The following GRB10 variants were observed in gnomAD, a reference collection of about 807,000 sequenced individuals.
GRB10 encodes growth factor receptor bound protein 10, also known as growth factor receptor-bound protein 10.
A neutral mutation model predicts 80.9 loss-of-function variants in GRB10; 20 were observed. That is an observed-to-expected ratio of 0.25 (90% confidence interval 0.17 to 0.36). The LOEUF (loss-of-function observed/expected upper bound fraction) is 0.36. Ranked by LOEUF, GRB10 falls within the 10% of genes least tolerant of loss-of-function variation. The pLI, the probability that GRB10 is intolerant of heterozygous loss-of-function variation, is 1.00. For synonymous variants in GRB10, 291 were observed against 291.5 expected (o/e 1.00, Z 0.02); for missense variants, 548 against 747.7 (o/e 0.73, Z 3.12).
intron 7 of GRB10, among the ~76,000 whole-genome samples, chr7:50,648,265 G>A (rs566018907): frequency 6.6e-6 from 1 of 152,052 alleles, no homozygotes; most frequent in Non-Finnish European, 1.5e-5. Flanking sequence ...AGCAGCGAGC[G>A]ACAGGAGCCC....
chr7:50,624,336 C>A (rs2052472370), intron 8 of GRB10, among the ~76,000 whole-genome samples: 1 of 152,222 alleles, frequency 6.6e-6, no homozygotes, highest in Non-Finnish European at 1.5e-5. Flanking sequence ...CCCCTGTTGG[C>A]CTTGCGGCCC....
At chr7:50,720,039 C>T (rs184241773) in intron 4 of GRB10, among the ~76,000 whole-genome samples, 54 of 152,212 alleles carry the variant, frequency 3.5e-4, no homozygotes, top group African/African-American at 1.2e-3. Context: ...CACCAGAGAA[C>T]CCCTAGCAGA....
chr7:50,654,298 G>A (rs546212417), intron 7 of GRB10, among the ~76,000 whole-genome samples: 3 of 152,324 alleles, frequency 2.0e-5, no homozygotes, highest in Non-Finnish European at 2.9e-5. Flanking sequence ...AGCTCAGAGC[G>A]TGCCTTGATC....
chr7:50,604,281 CA>C, intron 16 of GRB10, 29 bp downstream of exon 16: 1 of 1,586,984 alleles, frequency 6.3e-7, no homozygotes, highest in Non-Finnish European at 8.7e-7. Context: ...TCTTTATGTA[CA>C]AAAACATCAG....
chr7:50,735,118 A>G (rs1402473169), intron 3 of GRB10, among the ~76,000 whole-genome samples: 4 of 152,266 alleles, frequency 2.6e-5, no homozygotes, highest in Admixed American at 2.6e-4. Flanking sequence ...CAGCAAAGGT[A>G]CAGGATACAA....
At chr7:50,727,124 G>C (rs1366055994) in intron 4 of GRB10, 3 of 152,190 alleles carry the variant, frequency 2.0e-5, no homozygotes, top group Non-Finnish European at 4.4e-5. Flanking sequence ...TCGGTGGAAG[G>C]CTGAAGACAA....
At chr7:50,698,576 C>T (rs1435421709) in intron 5 of GRB10, among the ~76,000 whole-genome samples, 2 of 152,180 alleles carry the variant, frequency 1.3e-5, no homozygotes, top group Non-Finnish European at 2.9e-5. Context: ...TCTGTTCTGC[C>T]GTGATTTCAC....
intron 7 of GRB10, among the ~76,000 whole-genome samples, chr7:50,648,093 G>C (rs546251750): frequency 1.3e-5 from 2 of 152,112 alleles, no homozygotes; most frequent in African/African-American, 2.4e-5. Flanking sequence ...TCAACATAGG[G>C]ACAAGATGGA....
intron 3 of GRB10, among the ~76,000 whole-genome samples, chr7:50,752,219 G>A (rs2074231979): frequency 6.6e-6 from 1 of 152,040 alleles, no homozygotes; most frequent in South Asian, 2.1e-4. Context: ...AGTTATTAGG[G>A]GGGAAAAAAT....
At chr7:50,684,267 CAAAAAAAAAAA>C (rs386410128) in intron 5 of GRB10, among the ~76,000 whole-genome samples, 1 of 62,278 alleles carries the variant, frequency 1.6e-5, no homozygotes, top group Non-Finnish European at 2.7e-5. Flanking sequence ...CAATCATCAC[CAAAAAAAAAAA>C]AAAAAAAAAA....
chr7:50,747,855 G>A (rs373215418), intron 3 of GRB10, among the ~76,000 whole-genome samples: 4 of 152,028 alleles, frequency 2.6e-5, no homozygotes, highest in Admixed American at 6.5e-5. Context: ...TCCAGACATC[G>A]AGATAGGAAA....
At chr7:50,772,896 C>T (rs1302843454) in intron 2 of GRB10, among the ~76,000 whole-genome samples, 2 of 152,170 alleles carry the variant, frequency 1.3e-5, no homozygotes, top group Admixed American at 1.3e-4. Flanking sequence ...TAAATTCCTA[C>T]AACTGAGTAA....
In GRB10 at chr7:50,592,201, C is replaced by A. The variant is rs1033684682; in HGVS notation, c.*751G>T. On this transcript the variant is annotated 3_prime_UTR_variant, in exon 19 of 19. Coordinates refer to ENST00000401949, the MANE Select transcript of GRB10 (RefSeq NM_001350814.2). ...ATAAAGTCTCCTGCACTGTGCAGAA[C>A]AAGACACACTAATAACAAGAGGATC... The A allele has an allele frequency of 6.5e-6, 1 of 153,766 alleles. No homozygotes were observed. The highest frequency in any genetic ancestry group is 1.4e-5 in the Non-Finnish European group (1 of 69,220). The allele number at this position is 153,766 out of a possible 1,614,324, so 9.5% of individuals were successfully genotyped here. A position where few individuals can be genotyped will look rare whatever the true frequency, so the allele number is the denominator to read the frequency against.
chr7:50,676,558 C>T (rs1441966188), intron 5 of GRB10, among the ~76,000 whole-genome samples: 3 of 152,140 alleles, frequency 2.0e-5, no homozygotes, highest in Admixed American at 1.3e-4. Flanking sequence ...TGAAAATAAG[C>T]TTTGCATCCC....
chr7:50,788,943 C>T (rs4947890), intron 1 of GRB10, among the ~76,000 whole-genome samples: 138,058 of 152,264 alleles, frequency 0.91, 62,741 homozygotes, highest in African/African-American at 0.96. Context: ...TCAGAGCTTA[C>T]GCACTGCAGG....
At chr7:50,699,898 G>A (rs1382521737) in intron 5 of GRB10, among the ~76,000 whole-genome samples, 2 of 152,250 alleles carry the variant, frequency 1.3e-5, no homozygotes, top group African/African-American at 4.8e-5. Context: ...CACTTTGGGA[G>A]GCCGAGGCGG....
chr7:50,656,198 G>A (rs1205649812), intron 7 of GRB10, among the ~76,000 whole-genome samples: 1 of 152,210 alleles, frequency 6.6e-6, no homozygotes, highest in Non-Finnish European at 1.5e-5. Flanking sequence ...GACAGGCGCG[G>A]GCTGAGCGCA....
intron 12 of GRB10, 59 bp downstream of exon 12, chr7:50,614,711 A>C (rs2050215692): frequency 1.0e-6 from 1 of 1,002,592 alleles, no homozygotes; most frequent in Non-Finnish European, 1.6e-6. Flanking sequence ...GCAAGAGAAG[A>C]AGTCAGTCTC....
intron 17 of GRB10, among the ~76,000 whole-genome samples, chr7:50,599,984 G>A (rs1004130221): frequency 4.6e-5 from 7 of 152,130 alleles, no homozygotes; most frequent in African/African-American, 1.4e-4. Flanking sequence ...GATGATGGGC[G>A]TCCTCACTGC....
Sources: allele counts gnomAD v4.1 joint callset (sites outside exome capture counted in the v4.1 genomes callset), GRCh38; gene constraint gnomAD v4.1.1; transcripts MANE v1.5; gene names NCBI Gene and HGNC (gene_info 2026-07-23, HGNC 2026-07-21).